The following PDE1B variants were observed in gnomAD, a reference collection of about 807,000 sequenced individuals.
PDE1B encodes the protein phosphodiesterase 1B, also known as dual specificity calcium/calmodulin-dependent 3',5'-cyclic nucleotide phosphodiesterase 1B.
In PDE1B, 13 loss-of-function variants were observed where a neutral mutation model predicts 66.7. The ratio of observed to expected loss-of-function variants is 0.19; its 90% CI spans 0.13 to 0.31. The LOEUF (loss-of-function observed/expected upper bound fraction) is 0.31, where lower values mean the gene tolerates loss of function less well. Ranked by LOEUF, PDE1B falls within the 10% of genes least tolerant of loss-of-function variation. PDE1B has a pLI of 1.00. For synonymous variants in PDE1B, 230 were observed against 253.9 expected (o/e 0.91, Z 0.90); for missense variants, 485 against 682.3 (o/e 0.71, Z 3.22).
rs368448649 is a variant in PDE1B at position 54,569,398 on chromosome 12, C to A, written c.410+32C>A. On this transcript the variant is annotated intron_variant, in intron 4 of 15. Coordinates refer to ENST00000243052, the MANE Select transcript of PDE1B (RefSeq NM_000924.4). The surrounding 1 kb of genome is among the most constrained non-coding windows in gnomAD (Gnocchi z 4.4). ...CTCGCCCACACTCAGCCTCCCTCTG[C>A]CTTTAGCTGTGCCCCTCTTTCCCAG... 3 of 1,591,902 alleles carry A rather than the reference C, an allele frequency of 1.9e-6. No individual in the cohort carries two copies. The highest frequency in any genetic ancestry group is 2.6e-6 in the Non-Finnish European group (3 of 1,166,910).
At chr12:54,552,549 C>A (rs1957292452) in intron 2 of PDE1B, among the ~76,000 whole-genome samples, 1 of 152,150 alleles carries the variant, frequency 6.6e-6, no homozygotes, top group Non-Finnish European at 1.5e-5. Flanking sequence ...GTTTTTGACT[C>A]TGGATAAAAA....
intron 2 of PDE1B, among the ~76,000 whole-genome samples, chr12:54,556,785 T>C (rs1957346921): frequency 1.3e-5 from 2 of 150,768 alleles, no homozygotes; most frequent in Admixed American, 1.3e-4. Flanking sequence ...GATTTGCAAA[T>C]AATTATGGTG....
At position 54,553,429 on chromosome 12, in the gene PDE1B, G is replaced by T. The variant is rs538221505; in HGVS notation, c.113+3444G>T. Among the ~76,000 whole-genome samples the T allele has an allele frequency of 2.0e-5, 3 of 152,226 alleles. No individual in the cohort carries two copies. The East Asian group carries it at 5.8e-4, about 29-fold the overall frequency. On this transcript the variant is annotated intron_variant, in intron 2 of 15. Coordinates refer to ENST00000243052, the MANE Select transcript of PDE1B (RefSeq NM_000924.4). ...ATGGTACGCACTCGGGACCCTCAAA[G>T]TCTAGGCTCAATGTTCTATGCTGTG...
At position 54,573,317 on chromosome 12, in the gene PDE1B, C is replaced by A. The variant is rs372551145; in HGVS notation, c.837-38C>A. On this transcript the variant is annotated intron_variant, in intron 8 of 15. Transcript: ENST00000243052. This position sits in a 1 kb window ranked among gnomAD's most constrained non-coding sequence, Gnocchi z 5.2. ...GGTGGGGAGGTTGCCGGAGTCCCTC[C>A]TTACAGGGGGTGGTCATGATGACCT... The A allele has an allele frequency of 1.2e-6, 2 of 1,614,010 alleles. No homozygotes were observed. Among genetic ancestry groups the A allele is most frequent in the East Asian group, 2.2e-5 (1 of 44,874 alleles).
chr12:54,568,885 C>T (rs894281179), intron 3 of PDE1B, among the ~76,000 whole-genome samples: 3 of 152,126 alleles, frequency 2.0e-5, no homozygotes, highest in Admixed American at 2.0e-4. Context: ...TTCATATATG[C>T]GGCTTGCATT....
Position 54,574,754 on chromosome 12 carries a change from T to C in PDE1B, c.1065-344T>C, listed in dbSNP as rs1957700173. The C allele has an allele frequency of 1.6e-5, 3 of 182,202 alleles. No homozygotes were observed. In the South Asian group the frequency reaches 3.2e-4, roughly 20 times the overall value. 11.3% of individuals were successfully genotyped at this position (182,202 alleles called of 1,614,324 possible). ...GGGAGGCCGAGGCAGGTGGATAGCTTGAGGTCAGGAATTTGAGACCAGCCT... is the reference window on the plus strand; with the variant it reads ...GGGAGGCCGAGGCAGGTGGATAGCTCGAGGTCAGGAATTTGAGACCAGCCT... On this transcript the variant is annotated intron_variant, in intron 10 of 15. Transcript: ENST00000243052.
At chr12:54,565,259 A>G (rs1468846980) in intron 2 of PDE1B, among the ~76,000 whole-genome samples, 1 of 152,198 alleles carries the variant, frequency 6.6e-6, no homozygotes, top group East Asian at 1.9e-4. Flanking sequence ...AGAGAGAACT[A>G]TAGGCAGAAG....
intron 10 of PDE1B, chr12:54,574,086 G>A (rs895245570): frequency 8.4e-5 from 19 of 225,652 alleles, no homozygotes; most frequent in African/African-American, 3.9e-4. Context: ...AAAATGATAC[G>A]CCTCCCCCCA....
At chr12:54,560,501 G>A (rs1957391449) in intron 2 of PDE1B, among the ~76,000 whole-genome samples, 1 of 152,180 alleles carries the variant, frequency 6.6e-6, no homozygotes, top group Non-Finnish European at 1.5e-5. Flanking sequence ...TCACCCGCCA[G>A]CTCTTCTCCT....
rs925189995 is a variant in PDE1B, at chr12:54,573,798, G to A, written c.1064+89G>A. Reference sequence around the variant, plus strand: ...ATACACAAGGGTAGTTGGTGTGCCAGGTCTTTACCTCGCTGTAGAGACTCC... The same window carrying A: ...ATACACAAGGGTAGTTGGTGTGCCAAGTCTTTACCTCGCTGTAGAGACTCC... On this transcript the variant is annotated intron_variant, in intron 10 of 15. Coordinates refer to ENST00000243052, the MANE Select transcript of PDE1B (RefSeq NM_000924.4). The surrounding 1 kb of genome is among the most constrained non-coding windows in gnomAD (Gnocchi z 5.2). 4 of 900,484 alleles carry A rather than the reference G, an allele frequency of 4.4e-6. No individual in the cohort carries two copies. In the African/African-American group the frequency reaches 4.9e-5, roughly 11 times the overall value. 55.8% of individuals were successfully genotyped at this position (900,484 alleles called of 1,614,324 possible). A position where few individuals can be genotyped will look rare whatever the true frequency, so the allele number is the denominator to read the frequency against.
chr12:54,576,815 T>G, intron 14 of PDE1B, 114 bp downstream of exon 14: 1 of 1,139,568 alleles, frequency 8.8e-7, no homozygotes. Flanking sequence ...CTCCTTGATT[T>G]GGGAGTGGAG....
chr12:54,568,708 A>C (rs1957561713), intron 3 of PDE1B, among the ~76,000 whole-genome samples: 1 of 151,954 alleles, frequency 6.6e-6, no homozygotes, highest in Admixed American at 6.6e-5. Flanking sequence ...AGGCAGGAGA[A>C]TCGCTCGAAC....
intron 2 of PDE1B, among the ~76,000 whole-genome samples, chr12:54,563,775 T>C (rs1957463432): frequency 6.6e-6 from 1 of 152,244 alleles, no homozygotes; most frequent in African/African-American, 2.4e-5. Context: ...TACCACTTTA[T>C]AGATGAACAA....
chr12:54,549,929 AC>A lies in PDE1B; in HGVS notation c.61del (p.Leu21TrpfsTer3). The A allele has an allele frequency of 6.2e-7, 1 of 1,613,962 alleles. No homozygotes were observed. Among genetic ancestry groups the A allele is most frequent in the Non-Finnish European group, 8.5e-7 (1 of 1,179,982 alleles). On this transcript the variant is annotated frameshift_variant, in exon 2 of 16. Transcript: ENST00000243052. LOFTEE classifies it high-confidence loss of function. The part of the protein sequence containing the change: ...EMLEESDCPS[P>X]LELKSAPSKK... ...TGCTGGAGGAGTCGGATTGCCCGTC[AC>A]CCCTGGAGCTGAAGTCAGCCCCCAG...
intron 13 of PDE1B, 175 bp from the exon 14 acceptor site, chr12:54,576,396 G>GGTGAAATGAGGGGGAGAGGGAGGT: frequency 4.5e-6 from 3 of 671,088 alleles, no homozygotes. Context: ...GAGAGGGAGG[G>GGTGAAATGAGGGGGAGAGGGAGGT]GTGAAATGAG....
intron 2 of PDE1B, among the ~76,000 whole-genome samples, chr12:54,560,087 T>G (rs1406863766): frequency 6.6e-6 from 1 of 152,050 alleles, no homozygotes; most frequent in Non-Finnish European, 1.5e-5. Flanking sequence ...CCTCCCAAGA[T>G]CTGCAGCAGC....
Position 54,573,459 on chromosome 12 carries a change from A to G in PDE1B, c.941A>G (p.Asn314Ser), listed in dbSNP as rs1259468203. 1 of 1,614,004 alleles carries G rather than the reference A, an allele frequency of 6.2e-7. No individual in the cohort carries two copies. The highest frequency in any genetic ancestry group is 8.5e-7 in the Non-Finnish European group (1 of 1,179,986). The change falls in exon 9 of 16, where the codon AAC becomes AGC. Residue 314 changes from asparagine (N) to serine (S), a missense_variant. Asn to Ser is a conservative substitution (Grantham distance 46). Transcript: ENST00000243052. The surrounding 1 kb of genome is among the most constrained non-coding windows in gnomAD (Gnocchi z 5.2). ...MQDDEMNIFINLTKDEFVELR... is the reference protein window; with the variant it reads ...MQDDEMNIFISLTKDEFVELR... ...GATGATGAGATGAACATTTTCATCA[A>G]CCTCACCAAGGATGAGTTTGTGTGA... is the stretch of plus-strand genomic sequence containing the variant.
intron 10 of PDE1B, 117 bp from the exon 11 acceptor site, chr12:54,574,974 CAAAAAAA>C (rs35584396): frequency 1.2e-4 from 51 of 434,566 alleles, no homozygotes; most frequent in South Asian, 2.1e-4. Flanking sequence ...GACCCTGTCT[CAAAAAAA>C]AAAAAAAAAA....
intron 2 of PDE1B, chr12:54,550,290 G>T: frequency 8.5e-7 from 1 of 1,182,510 alleles, no homozygotes; most frequent in Non-Finnish European, 1.1e-6. Flanking sequence ...TGGCAGGGCT[G>T]CAGGAGGGCA....
Sources: gnomAD v4.1 joint callset for allele counts (sites outside exome capture counted in the v4.1 genomes callset) on GRCh38, gnomAD v4.1.1 for gene constraint, Gnocchi (gnomAD v3.1) non-coding constraint, MANE v1.5 for transcripts, NCBI Gene and HGNC (gene_info 2026-07-23, HGNC 2026-07-21) for gene names.